VIPR1: variants seen among roughly 807,000 people sequenced by gnomAD.
The protein encoded by VIPR1 is vasoactive intestinal polypeptide receptor 1.
VIPR1 carries 59 observed loss-of-function variants against 58.8 expected under a neutral mutation model. That is an observed-to-expected ratio of 1.00 (90% CI 0.81 to 1.25). The LOEUF is 1.25. VIPR1 is among the 50% of genes most tolerant of loss of function. VIPR1 has a pLI of 0.00. For synonymous variants in VIPR1, 251 were observed against 242.1 expected (o/e 1.04, Z -0.34); for missense variants, 626 against 602.7 (o/e 1.04, Z -0.40).
intron 2 of VIPR1, among the ~76,000 whole-genome samples, chr3:42,518,688 C>T (rs1459375158): frequency 1.3e-5 from 2 of 152,210 alleles, no homozygotes; most frequent in Non-Finnish European, 2.9e-5. Flanking sequence ...GCCAAGGTTG[C>T]ACCACTGCAC....
At chr3:42,532,439 A>G in intron 10 of VIPR1, 106 bp downstream of exon 10, 1 of 1,214,934 alleles carries the variant, frequency 8.2e-7, no homozygotes, top group South Asian at 1.2e-5. Context: ...AGAGTCACCA[A>G]AGAGCCACAT....
In VIPR1 at chr3:42,494,210, C is replaced by T. The variant is rs542099969; in HGVS notation, c.-245+4532C>T. 8.5e-4 allele frequency among the ~76,000 whole-genome samples: 129 copies of T among 152,178 alleles called. No homozygotes were observed. The South Asian group carries it at 0.016, about 18-fold the overall frequency. ...GTATGAACATGAATTAAACATTAGA[C>T]GTTAAATATGTATTAAATTAATTCA... On this transcript the variant is annotated intron_variant, in intron 1 of 13. Transcript: ENST00000433647.
chr3:42,506,003 G>C (rs1031040212), intron 1 of VIPR1, among the ~76,000 whole-genome samples: 3 of 152,190 alleles, frequency 2.0e-5, no homozygotes, highest in Non-Finnish European at 4.4e-5. Context: ...GGTTGTGAAG[G>C]TGGCTATGTG....
At chr3:42,516,893 G>A (rs1167111981) in intron 2 of VIPR1, 1 of 152,220 alleles carries the variant, frequency 6.6e-6, no homozygotes, top group African/African-American at 2.4e-5. Flanking sequence ...AACAGTGCCT[G>A]GCACATGCAA....
chr3:42,530,193 G>A (rs893150177), intron 6 of VIPR1: 2 of 153,208 alleles, frequency 1.3e-5, no homozygotes, highest in Non-Finnish European at 2.9e-5. Flanking sequence ...TGGCTAAGTA[G>A]GCAGCAGGAT....
chr3:42,529,229 G>C (rs1701396242), intron 6 of VIPR1: 1 of 152,126 alleles, frequency 6.6e-6, no homozygotes, highest in Admixed American at 6.5e-5. Flanking sequence ...AGGCTGAGTT[G>C]GGCGGATCAT....
In VIPR1 at chr3:42,531,697, T is replaced by C. The variant is rs556182713; in HGVS notation, c.852-106T>C. The C allele has an allele frequency of 1.9e-6, 3 of 1,559,138 alleles. No individual in the cohort carries two copies. The East Asian group carries it at 6.7e-5, about 35-fold the overall frequency. On this transcript the variant is annotated intron_variant, in intron 8 of 12. Coordinates refer to ENST00000325123, the MANE Select transcript of VIPR1 (RefSeq NM_004624.4). ...GGAGCAACAGACTCTGGGCCCGGGG[T>C]TGCTAAAGTGCTCAGGAGCAGAGCT...
intron 1 of VIPR1, among the ~76,000 whole-genome samples, chr3:42,497,605 C>T (rs1019884788): frequency 6.6e-6 from 1 of 152,160 alleles, no homozygotes; most frequent in African/African-American, 2.4e-5. Flanking sequence ...GTGTCGCCAC[C>T]CAAATGTCAT....
chr3:42,522,913 G>A (rs1015286489), intron 3 of VIPR1, among the ~76,000 whole-genome samples: 4 of 152,204 alleles, frequency 2.6e-5, no homozygotes, highest in Admixed American at 6.5e-5. Context: ...GAGGAGACTG[G>A]AAGAAAGGTG....
intron 2 of VIPR1, among the ~76,000 whole-genome samples, chr3:42,516,324 G>A (rs554019212): frequency 6.6e-6 from 1 of 152,156 alleles, no homozygotes; most frequent in African/African-American, 2.4e-5. Flanking sequence ...CAGGACAACA[G>A]GCCATTCCAG....
At chr3:42,532,389 C>T in intron 10 of VIPR1, 56 bp downstream of exon 10, 2 of 1,531,416 alleles carry the variant, frequency 1.3e-6, no homozygotes, top group Non-Finnish European at 1.8e-6. Flanking sequence ...GTCCTCAAAT[C>T]ATCCCACATC....
upstream of VIPR1, among the ~76,000 whole-genome samples, chr3:42,499,330 G>A (rs1040470545): frequency 2.6e-5 from 4 of 152,208 alleles, no homozygotes. Context: ...GAGAGGAGGC[G>A]AGGGCGGCAC....
chr3:42,527,619 TC>T, intron 5 of VIPR1, 123 bp downstream of exon 5: 1 of 872,434 alleles, frequency 1.1e-6, no homozygotes, highest in Non-Finnish European at 1.8e-6. Flanking sequence ...CAGCACATAC[TC>T]CCCAGCTCCT....
At chr3:42,523,892 A>G (rs1331712558) in intron 3 of VIPR1, among the ~76,000 whole-genome samples, 1 of 150,502 alleles carries the variant, frequency 6.6e-6, no homozygotes, top group East Asian at 2.0e-4. Flanking sequence ...ATCTCGGCTC[A>G]CTGCAACCTC....
intron 12 of VIPR1, 90 bp downstream of exon 12, chr3:42,535,474 C>A: frequency 7.2e-7 from 1 of 1,392,790 alleles, no homozygotes; most frequent in Non-Finnish European, 1.0e-6. Flanking sequence ...AGAGCAAGGA[C>A]GGGTTAAACC....
Position 42,534,823 on chromosome 3 carries a change from G to C in VIPR1, c.1011-152G>C, listed in dbSNP as rs1310120848. ...GCAGCTGTGGAACAGGAGCAGACAA[G>C]GGCATAATATTCAGAGGAACCTACA... On this transcript the variant is annotated intron_variant, in intron 10 of 12. Transcript: ENST00000325123. The C allele has an allele frequency of 1.1e-5, 11 of 1,010,222 alleles. No individual in the cohort carries two copies. In the East Asian group the frequency reaches 3.0e-4, roughly 28 times the overall value. The allele number at this position is 1,010,222 out of a possible 1,614,324, so 62.6% of individuals were successfully genotyped here. A position where few individuals can be genotyped will look rare whatever the true frequency, so the allele number is the denominator to read the frequency against.
chr3:42,512,708 C>G (rs947038497), intron 1 of VIPR1: 1 of 982,280 alleles, frequency 1.0e-6, no homozygotes, highest in Admixed American at 6.1e-5. Context: ...TCTTGCTGGA[C>G]TCTCTTCTAT....
At chr3:42,505,546 T>G (rs866320772) in intron 1 of VIPR1, among the ~76,000 whole-genome samples, 1 of 152,204 alleles carries the variant, frequency 6.6e-6, no homozygotes, top group African/African-American at 2.4e-5. Context: ...CATGGCTGCA[T>G]CTGGGTCAGG....
At chr3:42,534,546 C>G (rs1015363225) in intron 10 of VIPR1, 2 of 155,260 alleles carry the variant, frequency 1.3e-5, no homozygotes, top group African/African-American at 4.8e-5. Context: ...AAGAGATTTT[C>G]TACTGCTCTT....
Sources: allele counts gnomAD v4.1 joint callset (sites outside exome capture counted in the v4.1 genomes callset), GRCh38; gene constraint gnomAD v4.1.1; transcripts MANE v1.5; gene names NCBI Gene and HGNC (gene_info 2026-07-23, HGNC 2026-07-21).